The following SHC3 variants were observed in gnomAD, a reference collection of about 807,000 sequenced individuals.
The protein encoded by SHC3 is SHC-transforming protein 3.
A neutral mutation model predicts 60.4 loss-of-function variants in SHC3; 15 were observed. The observed-to-expected ratio is 0.25, with a 90% CI of 0.17 to 0.38. The LOEUF (loss-of-function observed/expected upper bound fraction) is 0.38. Ranked by LOEUF, SHC3 falls within the 10% of genes least tolerant of loss-of-function variation. SHC3 has a pLI of 1.00. For missense variants in SHC3, 677 were observed against 786.1 expected, an observed-to-expected ratio of 0.86 and a Z score of 1.66; for synonymous variants, 294 against 325.9, an observed-to-expected ratio of 0.90 and a Z score of 1.05.
At chr9:89,076,304 C>G (rs943549633) in intron 3 of SHC3, among the ~76,000 whole-genome samples, 1 of 152,154 alleles carries the variant, frequency 6.6e-6, no homozygotes, top group Non-Finnish European at 1.5e-5. Context: ...CTTCCGAAAC[C>G]CAGCTGCCCT....
At chr9:89,095,492 G>A (rs1055591135) in intron 2 of SHC3, among the ~76,000 whole-genome samples, 1 of 152,122 alleles carries the variant, frequency 6.6e-6, no homozygotes, top group Non-Finnish European at 1.5e-5. Context: ...TGGGGACAGA[G>A]TTTCAGTTTT....
chr9:89,131,676 G>A (rs1248820092), intron 1 of SHC3, among the ~76,000 whole-genome samples: 2 of 152,254 alleles, frequency 1.3e-5, no homozygotes, highest in Admixed American at 6.5e-5. Context: ...TATCTCAATA[G>A]ATGCAGAAAA....
At chr9:89,150,783 A>G (rs1826534658) in intron 1 of SHC3, among the ~76,000 whole-genome samples, 1 of 152,178 alleles carries the variant, frequency 6.6e-6, no homozygotes, top group African/African-American at 2.4e-5. Flanking sequence ...AGCTGCCAAA[A>G]TGTTTTCCAA....
At chr9:89,078,810 G>A (rs929364154) in intron 2 of SHC3, among the ~76,000 whole-genome samples, 3 of 152,192 alleles carry the variant, frequency 2.0e-5, no homozygotes, top group Non-Finnish European at 4.4e-5. Flanking sequence ...ACTCACACAT[G>A]GAGGAGAAAA....
chr9:89,118,539 G>A (rs868463588), intron 1 of SHC3, among the ~76,000 whole-genome samples: 3 of 151,744 alleles, frequency 2.0e-5, no homozygotes, highest in Non-Finnish European at 4.4e-5. Flanking sequence ...CAGGAGAAAT[G>A]CAAAGAAACA....
intron 5 of SHC3, among the ~76,000 whole-genome samples, chr9:89,067,040 G>A (rs58269068): frequency 1.3e-5 from 2 of 152,224 alleles, no homozygotes. Context: ...ATTCTGCAGG[G>A]CGTGGCTCAG....
chr9:89,015,408 G>C (rs1826077160), intron 11 of SHC3, among the ~76,000 whole-genome samples: 1 of 152,180 alleles, frequency 6.6e-6, no homozygotes, highest in Non-Finnish European at 1.5e-5. Flanking sequence ...AGTAGCCACA[G>C]CCCAGGCCCC....
chr9:89,130,612 C>G (rs1452103732), intron 1 of SHC3, among the ~76,000 whole-genome samples: 1 of 152,190 alleles, frequency 6.6e-6, no homozygotes, highest in African/African-American at 2.4e-5. Flanking sequence ...TTAAGAAACT[C>G]ACTCAAAACT....
intron 1 of SHC3, among the ~76,000 whole-genome samples, chr9:89,126,355 T>A (rs1826165337): frequency 6.6e-6 from 1 of 152,184 alleles, no homozygotes; most frequent in South Asian, 2.1e-4. Context: ...AGAGGCCCCA[T>A]TCGGTAGAGT....
chr9:89,107,563 G>A (rs1825881410), intron 2 of SHC3, among the ~76,000 whole-genome samples: 3 of 152,230 alleles, frequency 2.0e-5, no homozygotes, highest in Admixed American at 2.0e-4. Context: ...TCTAAACCAG[G>A]ACAGCATCAA....
chr9:89,024,879 T>C (rs777724274), intron 11 of SHC3, among the ~76,000 whole-genome samples: 3 of 152,066 alleles, frequency 2.0e-5, no homozygotes, highest in Non-Finnish European at 4.4e-5. Context: ...GGGAGTTTGT[T>C]CAGCATCTGA....
chr9:89,109,329 G>T (rs1825912391), intron 2 of SHC3: 1 of 859,698 alleles, frequency 1.2e-6, no homozygotes, highest in Non-Finnish European at 1.4e-6. Context: ...CATGCAGTCT[G>T]GTTGGCCCCT....
At chr9:89,063,047 AG>A (rs1825117112) in intron 6 of SHC3, among the ~76,000 whole-genome samples, 1 of 152,214 alleles carries the variant, frequency 6.6e-6, no homozygotes. Flanking sequence ...AGCAGGGTTG[AG>A]GGGTAAAGAT....
Position 89,046,997 on chromosome 9 carries a change from G to A in SHC3, c.963-3C>T, listed in dbSNP as rs753370149. ...ATGGCTCATCCAGACTCTGCATTCT[G>A]TTAAAGGAAGATTTCCAAGGGCTTT... On this transcript the variant is annotated splice_polypyrimidine_tract_variant and splice_region_variant and intron_variant, in intron 7 of 11. Transcript: ENST00000375835. 6.4e-7 allele frequency: 1 copy of A among 1,554,368 alleles called. No individual in the cohort carries two copies. Among genetic ancestry groups the A allele is most frequent in the Non-Finnish European group, 8.7e-7 (1 of 1,151,528 alleles).
chr9:89,036,163 A>T (rs1406174183), intron 11 of SHC3, among the ~76,000 whole-genome samples: 1 of 152,152 alleles, frequency 6.6e-6, no homozygotes, highest in Admixed American at 6.6e-5. Context: ...AAGAGAATAC[A>T]TGTGAAAATT....
chr9:89,084,563 C>T (rs1307097874), intron 2 of SHC3, among the ~76,000 whole-genome samples: 2 of 152,206 alleles, frequency 1.3e-5, no homozygotes, highest in Non-Finnish European at 2.9e-5. Context: ...CTTGAGGTCA[C>T]AGGTCATGTC....
chr9:89,106,283 G>A (rs1005399132), intron 2 of SHC3, among the ~76,000 whole-genome samples: 1 of 152,214 alleles, frequency 6.6e-6, no homozygotes, highest in Non-Finnish European at 1.5e-5. Context: ...GGACCAGGCA[G>A]CTGTTCAGAG....
At position 89,052,022 on chromosome 9, in the gene SHC3, C is replaced by A; in HGVS notation, c.962+15G>T. 1 of 1,612,622 alleles carries A rather than the reference C, an allele frequency of 6.2e-7. No individual in the cohort carries two copies. Among genetic ancestry groups the A allele is most frequent in the South Asian group, 1.1e-5 (1 of 90,952 alleles). ...CCACATAGGCTATTGCAAATGGTGT[C>A]ACAGCACTACTCACCGATCATGGAG... On this transcript the variant is annotated intron_variant, in intron 7 of 11. Transcript: ENST00000375835.
Position 89,165,360 on chromosome 9 carries a change from G to C in SHC3, c.474+12627C>G, listed in dbSNP as rs568866190. 1.0e-3 allele frequency among the ~76,000 whole-genome samples: 156 copies of C among 152,080 alleles called. No individual in the cohort carries two copies. The South Asian group carries it at 0.013, about 12-fold the overall frequency. ...TCTGAGAAGAATAAAATTAGTAAGT[G>C]TCAGGAAGAGAACTGAGAGGAAACT... On this transcript the variant is annotated intron_variant, in intron 1 of 11. Transcript: ENST00000375835.
Sources: gnomAD v4.1 joint callset for allele counts (sites outside exome capture counted in the v4.1 genomes callset) on GRCh38, gnomAD v4.1.1 for gene constraint, MANE v1.5 for transcripts, NCBI Gene and HGNC (gene_info 2026-07-23, HGNC 2026-07-21) for gene names.